Variants in ETV1 observed in about 807,000 individuals in gnomAD.
ETV1 encodes the protein ETS variant transcription factor 1.
A neutral mutation model predicts 62.3 loss-of-function variants in ETV1; 27 were observed. That is an observed-to-expected ratio of 0.43 (90% CI 0.32 to 0.60). ETV1 has a LOEUF of 0.60. Among genes scored for constraint, ETV1 ranks in the 20% least tolerant of loss-of-function variants. The pLI, the probability that ETV1 is intolerant of heterozygous loss-of-function variation, is 0.06. For missense variants in ETV1, 605 were observed against 605.8 expected (o/e 1.00, Z 0.01); for synonymous variants, 222 against 199.6 (o/e 1.11, Z -0.94).
At chr7:13,939,091 T>C (rs1315034177) in intron 7 of ETV1, 26 bp downstream of exon 7, 3 of 1,603,468 alleles carry the variant, frequency 1.9e-6, no homozygotes, top group Non-Finnish European at 2.6e-6. Flanking sequence ...ACCACTATCC[T>C]ACATACATAC....
In ETV1 at chr7:13,956,063, T is replaced by C. The variant is rs549623550; in HGVS notation, c.236-16817A>G. 3.9e-5 allele frequency among the ~76,000 whole-genome samples: 6 copies of C among 152,354 alleles called. No homozygotes were observed. In the East Asian group the frequency reaches 7.7e-4, roughly 20 times the overall value. On this transcript the variant is annotated intron_variant, in intron 6 of 13. Transcript: ENST00000430479. ...CCAATACCCCGCATGCAGTTTATAT[T>C]AAGTCATATTTATACCAAATTACAA...
At position 13,986,703 on chromosome 7, in the gene ETV1, G is replaced by T. The variant is rs759260413; in HGVS notation, c.134-18C>A. 6.3e-7 allele frequency: 1 copy of T among 1,583,244 alleles called. No homozygotes were observed. The highest frequency in any genetic ancestry group is 1.7e-5 in the Admixed American group (1 of 57,194). On this transcript the variant is annotated intron_variant, in intron 4 of 13. Transcript: ENST00000430479. ...AAAGAGTTCTAAAAAACAAGTCAAA[G>T]ACATAAACATAAGATTTGCAAATCT... is the stretch of plus-strand genomic sequence containing the variant.
intron 13 of ETV1, among the ~76,000 whole-genome samples, chr7:13,898,509 G>T (rs1168873079): frequency 6.6e-6 from 1 of 152,076 alleles, no homozygotes; most frequent in African/African-American, 2.4e-5. Flanking sequence ...AGTACACATA[G>T]GCATTGTCTG....
At chr7:13,950,216 A>T (rs1370018279) in intron 6 of ETV1, among the ~76,000 whole-genome samples, 1 of 152,188 alleles carries the variant, frequency 6.6e-6, no homozygotes, top group Non-Finnish European at 1.5e-5. Context: ...TTATGGGGGA[A>T]GGCAAGCAGT....
chr7:13,899,851 T>G (rs1187858551), intron 13 of ETV1, among the ~76,000 whole-genome samples: 1 of 152,164 alleles, frequency 6.6e-6, no homozygotes, highest in Non-Finnish European at 1.5e-5. Flanking sequence ...TACTCTTGGC[T>G]GGGTGCATTG....
chr7:13,916,480 A>G (rs1784173593), intron 9 of ETV1, among the ~76,000 whole-genome samples: 2 of 152,022 alleles, frequency 1.3e-5, no homozygotes, highest in Non-Finnish European at 2.9e-5. Context: ...TCTACTAAAA[A>G]TACAAAATTT....
chr7:13,940,058 C>T (rs186767299), intron 6 of ETV1, among the ~76,000 whole-genome samples: 2 of 152,012 alleles, frequency 1.3e-5, no homozygotes, highest in Admixed American at 6.6e-5. Flanking sequence ...GCTGTAAATC[C>T]AATAAATAAA....
chr7:13,922,594 G>T (rs541553827), intron 9 of ETV1, among the ~76,000 whole-genome samples: 7 of 152,196 alleles, frequency 4.6e-5, no homozygotes, highest in African/African-American at 1.4e-4. Flanking sequence ...AAACACATCA[G>T]CCAAAACAAA....
At position 13,891,757 on chromosome 7, in the gene ETV1, TTA is replaced by T. The variant is rs1393862659; in HGVS notation, c.*4107_*4108del. On this transcript the variant is annotated 3_prime_UTR_variant, in exon 14 of 14. Coordinates refer to ENST00000430479, the MANE Select transcript of ETV1 (RefSeq NM_004956.5). ...TGCTTAATATGTACATTTGCCTTCT[TTA>T]TATTTTTTCCACCATCACTTTTACC... 1 of 232,014 alleles carries T rather than the reference TTA, an allele frequency of 4.3e-6. No individual in the cohort carries two copies. The highest frequency in any genetic ancestry group is 2.2e-5 in the African/African-American group (1 of 45,302). The allele number at this position is 232,014 out of a possible 1,614,324, so 14.4% of individuals were successfully genotyped here.
intron 9 of ETV1, among the ~76,000 whole-genome samples, chr7:13,916,333 TA>T (rs911951192): frequency 1.3e-5 from 2 of 151,978 alleles, no homozygotes; most frequent in South Asian, 2.1e-4. Flanking sequence ...TGCAAAATCT[TA>T]AAAAAAAGAG....
chr7:13,978,721 T>A lies in ETV1; in HGVS notation c.182-1241A>T, dbSNP rs536298825. ...AAAGGAATTCTACATTTTAAAAAAATTTTATATAAAAAAGAATACAATATA... is the reference window on the plus strand; with the variant it reads ...AAAGGAATTCTACATTTTAAAAAAAATTTATATAAAAAAGAATACAATATA... On this transcript the variant is annotated intron_variant, in intron 5 of 13. Transcript: ENST00000430479. Among the ~76,000 whole-genome samples the A allele has an allele frequency of 2.2e-4, 33 of 152,030 alleles. No homozygotes were observed. In the South Asian group the frequency reaches 4.1e-3, roughly 19 times the overall value.
chr7:13,905,051 G>A (rs1284773353), intron 12 of ETV1, among the ~76,000 whole-genome samples: 1 of 151,012 alleles, frequency 6.6e-6, no homozygotes, highest in Non-Finnish European at 1.5e-5. Context: ...TAACCCTCTA[G>A]TGTTACTAAA....
At chr7:13,919,612 C>G (rs1183762972) in intron 9 of ETV1, among the ~76,000 whole-genome samples, 1 of 135,374 alleles carries the variant, frequency 7.4e-6, no homozygotes, top group Non-Finnish European at 1.6e-5. Flanking sequence ...AAAATAAGAA[C>G]AATAACCATC....
rs188169337 is a variant in ETV1, at chr7:13,941,248, T to C, written c.236-2002A>G. Reference sequence around the variant, plus strand: ...TATAAAAAGACAACTCTGCAATAAATGACATTTTAGTATAGACTAGCTATT... The same window carrying C: ...TATAAAAAGACAACTCTGCAATAAACGACATTTTAGTATAGACTAGCTATT... On this transcript the variant is annotated intron_variant, in intron 6 of 13. Transcript: ENST00000430479. Among the ~76,000 whole-genome samples the C allele has an allele frequency of 5.4e-3, 816 of 152,332 alleles. 2 individuals are homozygous for C. The highest frequency in any genetic ancestry group is 9.2e-3 in the Non-Finnish European group (624 of 68,014).
At chr7:13,989,216 C>T in intron 2 of ETV1, 52 bp downstream of exon 2, 3 of 603,626 alleles carry the variant, frequency 5.0e-6, no homozygotes, top group South Asian at 4.1e-5. Flanking sequence ...AGCTAATTAC[C>T]CTCCGACAGT....
intron 5 of ETV1, among the ~76,000 whole-genome samples, chr7:13,982,168 C>T (rs1782051207): frequency 6.6e-6 from 1 of 152,020 alleles, no homozygotes; most frequent in African/African-American, 2.4e-5. Flanking sequence ...CTAAAACTGA[C>T]CTGCAGTAAC....
intron 9 of ETV1, among the ~76,000 whole-genome samples, chr7:13,930,345 G>A (rs1395355858): frequency 5.3e-5 from 8 of 152,016 alleles, no homozygotes; most frequent in Admixed American, 2.0e-4. Flanking sequence ...TTTTTGAGAC[G>A]GAGTCTTACT....
At chr7:13,933,322 G>A (rs762701170) in intron 8 of ETV1, among the ~76,000 whole-genome samples, 7 of 152,148 alleles carry the variant, frequency 4.6e-5, no homozygotes, top group Admixed American at 1.3e-4. Context: ...GCAAGGTTTT[G>A]GTGCAATTCT....
chr7:13,941,223 T>G lies in ETV1; in HGVS notation c.236-1977A>C, dbSNP rs76491888. The stretch of plus-strand genomic sequence containing the variant: ...TGAATTCTGATTTGAACAAACCAAC[T>G]ATAAAAAGACAACTCTGCAATAAAT... On this transcript the variant is annotated intron_variant, in intron 6 of 13. Transcript: ENST00000430479. Among the ~76,000 whole-genome samples the G allele has an allele frequency of 5.3e-3, 811 of 152,264 alleles. 14 individuals are homozygous for G. Among genetic ancestry groups the G allele is most frequent in the Admixed American group, 0.014 (213 of 15,290 alleles).
Sources: gnomAD v4.1 joint callset for allele counts (sites outside exome capture counted in the v4.1 genomes callset) on GRCh38, gnomAD v4.1.1 for gene constraint, MANE v1.5 for transcripts, NCBI Gene and HGNC (gene_info 2026-07-23, HGNC 2026-07-21) for gene names.